Variants in FOXO3 observed in about 807,000 individuals in gnomAD.
FOXO3 encodes the protein forkhead box O3.
Under a neutral mutation model 41.9 loss-of-function variants are expected in FOXO3, and 4 were observed. The ratio of observed to expected loss-of-function variants is 0.10; its 90% confidence interval spans 0.05 to 0.22. The LOEUF is 0.22. Among genes scored for constraint, FOXO3 ranks in the 10% least tolerant of loss-of-function variants. The pLI is 1.00. For missense variants in FOXO3, 534 were observed against 906.8 expected, an observed-to-expected ratio of 0.59 and a Z score of 5.28; for synonymous variants, 318 against 389.3, an observed-to-expected ratio of 0.82 and a Z score of 2.16.
chr6:108,614,722 G>A lies in FOXO3; in HGVS notation c.622-48733G>A, dbSNP rs112461396. On this transcript the variant is annotated intron_variant, in intron 1 of 2. Coordinates refer to ENST00000406360, the MANE Select transcript of FOXO3 (RefSeq NM_001455.4). ...TTTGTTGATGTTTTGGTTTTTTTTT[G>A]TTTTTTATTTTTTGCGTTTTTTTCA... is the stretch of plus-strand genomic sequence containing the variant. 6.7e-3 allele frequency among the ~76,000 whole-genome samples: 1,007 copies of A among 149,776 alleles called. 14 individuals are homozygous for A. The highest frequency in any genetic ancestry group is 0.024 in the African/African-American group (969 of 40,924).
At chr6:108,611,010 T>C (rs1427996023) in intron 1 of FOXO3, among the ~76,000 whole-genome samples, 4 of 152,194 alleles carry the variant, frequency 2.6e-5, no homozygotes, top group Non-Finnish European at 5.9e-5. Context: ...CATGGCTTAT[T>C]TTCATCAGTC....
At chr6:108,564,341 T>A (rs1043740947) in intron 1 of FOXO3, among the ~76,000 whole-genome samples, 3 of 152,192 alleles carry the variant, frequency 2.0e-5, no homozygotes, top group Admixed American at 1.3e-4. Context: ...AAGGGAGAGA[T>A]CAGGAGCTAA....
chr6:108,569,464 T>C (rs942862389), intron 1 of FOXO3, among the ~76,000 whole-genome samples: 8 of 152,264 alleles, frequency 5.3e-5, no homozygotes, highest in African/African-American at 1.4e-4. Context: ...AAATGTCTGA[T>C]TGGAGTGTGT....
intron 1 of FOXO3, among the ~76,000 whole-genome samples, chr6:108,619,318 AT>A (rs1214496251): frequency 1.3e-5 from 2 of 152,234 alleles, no homozygotes. Context: ...AGACACCTGA[AT>A]TTTCAATATG....
At chr6:108,561,853 A>C in intron 1 of FOXO3, 24 bp downstream of exon 1, 1 of 1,513,776 alleles carries the variant, frequency 6.6e-7, no homozygotes, top group Non-Finnish European at 8.8e-7. Flanking sequence ...CCGGGCTGGC[A>C]GCAGGACCCG....
chr6:108,590,595 A>T (rs1776708722), intron 1 of FOXO3, among the ~76,000 whole-genome samples: 1 of 152,204 alleles, frequency 6.6e-6, no homozygotes, highest in South Asian at 2.1e-4. Flanking sequence ...ATATTCCAAA[A>T]TCTGAAGAAA....
At chr6:108,593,712 C>CTTTTTTTT (rs34228633) in intron 1 of FOXO3, among the ~76,000 whole-genome samples, 89 of 83,316 alleles carry the variant, frequency 1.1e-3, no homozygotes, top group Non-Finnish European at 1.2e-3. Context: ...TTTTCTTCTT[C>CTTTTTTTT]TTTTTTTTTT....
intron 1 of FOXO3, among the ~76,000 whole-genome samples, chr6:108,570,475 G>A (rs1776067882): frequency 6.6e-6 from 1 of 152,044 alleles, no homozygotes; most frequent in Non-Finnish European, 1.5e-5. Context: ...ACTAATGAGC[G>A]CCACGACACC....
chr6:108,563,258 T>C (rs1285994495), intron 1 of FOXO3, among the ~76,000 whole-genome samples: 1 of 152,244 alleles, frequency 6.6e-6, no homozygotes, highest in Non-Finnish European at 1.5e-5. Flanking sequence ...AGGCTTTGTA[T>C]TAGATACTTT....
chr6:108,657,109 G>T (rs747331836), intron 1 of FOXO3, among the ~76,000 whole-genome samples: 1 of 152,200 alleles, frequency 6.6e-6, no homozygotes, highest in Admixed American at 6.5e-5. Flanking sequence ...CTGCCCCAGT[G>T]CAGGGCTTCC....
At chr6:108,565,875 T>A (rs1040376718) in intron 1 of FOXO3, among the ~76,000 whole-genome samples, 4 of 152,242 alleles carry the variant, frequency 2.6e-5, no homozygotes, top group African/African-American at 4.8e-5. Context: ...AATTTTTTTT[T>A]AATTTGAAAA....
chr6:108,656,715 T>G (rs1193603593), intron 1 of FOXO3, among the ~76,000 whole-genome samples: 1 of 152,234 alleles, frequency 6.6e-6, no homozygotes, highest in African/African-American at 2.4e-5. Context: ...TTATCCCCTT[T>G]GTAAATTATT....
At chr6:108,562,721 T>C (rs1775848222) in intron 1 of FOXO3, among the ~76,000 whole-genome samples, 2 of 152,194 alleles carry the variant, frequency 1.3e-5, no homozygotes, top group Non-Finnish European at 2.9e-5. Flanking sequence ...AGAGACTCTC[T>C]ACCGTTCCTT....
chr6:108,649,008 TAAA>T (rs10612637), intron 1 of FOXO3, among the ~76,000 whole-genome samples: 11 of 79,116 alleles, frequency 1.4e-4, no homozygotes, highest in African/African-American at 2.7e-4. Flanking sequence ...ACCTATCTCT[TAAA>T]AAAAAAAAAA....
At chr6:108,654,342 A>G (rs889467863) in intron 1 of FOXO3, among the ~76,000 whole-genome samples, 4 of 152,180 alleles carry the variant, frequency 2.6e-5, no homozygotes, top group Non-Finnish European at 5.9e-5. Flanking sequence ...AATCCACCCT[A>G]GAAAACCCAA....
intron 1 of FOXO3, among the ~76,000 whole-genome samples, chr6:108,631,714 C>G (rs1479647925): frequency 6.6e-6 from 1 of 152,106 alleles, no homozygotes; most frequent in Non-Finnish European, 1.5e-5. Flanking sequence ...ATATGCTTAC[C>G]TGACCAGGGT....
intron 1 of FOXO3, among the ~76,000 whole-genome samples, chr6:108,642,437 T>C (rs1007612922): frequency 1.8e-4 from 28 of 152,144 alleles, no homozygotes; most frequent in African/African-American, 6.8e-4. Flanking sequence ...CAAGGGGGAC[T>C]GCTGATAGCA....
At chr6:108,571,212 AAAGT>A (rs1776089805) in intron 1 of FOXO3, among the ~76,000 whole-genome samples, 3 of 152,256 alleles carry the variant, frequency 2.0e-5, no homozygotes, top group African/African-American at 7.2e-5. Context: ...GGTAAGGTAA[AAAGT>A]AAGAACAACA....
At chr6:108,679,367 A>G (rs1391214225) in intron 2 of FOXO3, among the ~76,000 whole-genome samples, 2 of 152,158 alleles carry the variant, frequency 1.3e-5, no homozygotes, top group African/African-American at 4.8e-5. Context: ...CCACATAGCC[A>G]GTAGGGAAGA....
Sources: allele counts gnomAD v4.1 joint callset (sites outside exome capture counted in the v4.1 genomes callset), GRCh38; gene constraint gnomAD v4.1.1; transcripts MANE v1.5; gene names NCBI Gene and HGNC (gene_info 2026-07-23, HGNC 2026-07-21).